Variants in TBC1D22B observed in about 807,000 individuals in gnomAD.
TBC1D22B encodes the protein chromosome 6 open reading frame 197.
In TBC1D22B, 32 loss-of-function variants were observed where a neutral mutation model predicts 69.1. The ratio of observed to expected loss-of-function variants is 0.46; its 90% confidence interval spans 0.35 to 0.62. TBC1D22B has a LOEUF of 0.62. Ranked by LOEUF, TBC1D22B falls within the 20% of genes least tolerant of loss-of-function variation. The probability of loss-of-function intolerance (pLI) is 0.00; values close to 1 mark genes in which losing one functional copy is unlikely to be tolerated. For synonymous variants in TBC1D22B, 206 were observed against 229.8 expected, an observed-to-expected ratio of 0.90 and a Z score of 0.94; for missense variants, 462 against 630.9, an observed-to-expected ratio of 0.73 and a Z score of 2.87.
At chr6:37,300,973 C>T (rs1037651294) in intron 8 of TBC1D22B, among the ~76,000 whole-genome samples, 10 of 151,876 alleles carry the variant, frequency 6.6e-5, no homozygotes, top group African/African-American at 2.4e-4. Context: ...CCTCTGTTTC[C>T]CCTTCCCCCT....
chr6:37,266,355 G>GT (rs1175191884), intron 1 of TBC1D22B, among the ~76,000 whole-genome samples: 2 of 151,972 alleles, frequency 1.3e-5, no homozygotes, highest in African/African-American at 4.8e-5. Flanking sequence ...TAAAATGCAT[G>GT]TATCTATTTT....
intron 12 of TBC1D22B, among the ~76,000 whole-genome samples, chr6:37,330,379 C>T (rs376889741): frequency 6.6e-6 from 1 of 151,908 alleles, no homozygotes; most frequent in African/African-American, 2.4e-5. Context: ...GCTGTGACTA[C>T]AGGCGTGTGC....
intron 6 of TBC1D22B, among the ~76,000 whole-genome samples, chr6:37,285,315 CTTTTTTTTTTTTTTTT>C (rs756459599): frequency 1.4e-5 from 1 of 73,552 alleles, no homozygotes; most frequent in Non-Finnish European, 2.3e-5. Context: ...TCCTTCCCCA[CTTTTTTTTTTTTTTTT>C]TTTTTTTTTT....
chr6:37,293,029 A>G (rs965204006), intron 8 of TBC1D22B, among the ~76,000 whole-genome samples: 2 of 152,058 alleles, frequency 1.3e-5, no homozygotes, highest in East Asian at 3.9e-4. Context: ...TCTGTGTCAC[A>G]TTCTGATAAT....
chr6:37,301,333 C>T (rs1335218998), intron 8 of TBC1D22B, among the ~76,000 whole-genome samples: 1 of 152,148 alleles, frequency 6.6e-6, no homozygotes, highest in Non-Finnish European at 1.5e-5. Flanking sequence ...TATGTCACCA[C>T]AATCAATTTT....
At chr6:37,258,700 C>A (rs915058655) in intron 1 of TBC1D22B, among the ~76,000 whole-genome samples, 2 of 152,152 alleles carry the variant, frequency 1.3e-5, no homozygotes, top group Admixed American at 6.6e-5. Context: ...AAGACTACCC[C>A]CACCCTCTTT....
intron 12 of TBC1D22B, among the ~76,000 whole-genome samples, chr6:37,319,668 ATCTT>A (rs1300079960): frequency 6.6e-6 from 1 of 152,242 alleles, no homozygotes; most frequent in Non-Finnish European, 1.5e-5. Flanking sequence ...AGAGTCTCAC[ATCTT>A]TCTTTTAGAC....
At chr6:37,309,160 A>T (rs1386814538) in intron 8 of TBC1D22B, among the ~76,000 whole-genome samples, 1 of 152,226 alleles carries the variant, frequency 6.6e-6, no homozygotes, top group Non-Finnish European at 1.5e-5. Context: ...ACAGATGAGG[A>T]ATTGAGACAC....
intron 7 of TBC1D22B, among the ~76,000 whole-genome samples, chr6:37,287,444 A>G (rs1227033069): frequency 6.6e-6 from 1 of 152,226 alleles, no homozygotes; most frequent in African/African-American, 2.4e-5. Flanking sequence ...TGTACAGTTC[A>G]GTGGCATTAA....
chr6:37,328,054 C>T (rs530632755), intron 12 of TBC1D22B, among the ~76,000 whole-genome samples: 9 of 152,100 alleles, frequency 5.9e-5, no homozygotes, highest in African/African-American at 1.9e-4. Flanking sequence ...TAGCTCATGC[C>T]TGTAATCCCA....
At chr6:37,324,451 G>A in intron 12 of TBC1D22B, 1 of 439,878 alleles carries the variant, frequency 2.3e-6, no homozygotes, top group Non-Finnish European at 4.6e-6. Flanking sequence ...ACTTTATAAG[G>A]ACTGTGGCCT....
intron 11 of TBC1D22B, 128 bp from the exon 12 acceptor site, chr6:37,316,983 T>TC: frequency 6.8e-7 from 1 of 1,477,348 alleles, no homozygotes; most frequent in Non-Finnish European, 9.2e-7. Context: ...CTTTGCTAAG[T>TC]CTCTTCAGAA....
At chr6:37,306,575 A>C (rs1039331516) in intron 8 of TBC1D22B, among the ~76,000 whole-genome samples, 2 of 152,154 alleles carry the variant, frequency 1.3e-5, no homozygotes, top group African/African-American at 4.8e-5. Flanking sequence ...ATAATCTGGG[A>C]TCCTATAGCC....
intron 12 of TBC1D22B, among the ~76,000 whole-genome samples, chr6:37,325,069 T>C (rs1283110977): frequency 1.3e-5 from 2 of 152,242 alleles, no homozygotes; most frequent in Non-Finnish European, 2.9e-5. Flanking sequence ...CCCACCTTTA[T>C]TGGACAGTCT....
intron 12 of TBC1D22B, among the ~76,000 whole-genome samples, chr6:37,318,040 C>CT (rs1270105496): frequency 1.3e-5 from 2 of 152,164 alleles, no homozygotes; most frequent in African/African-American, 4.8e-5. Flanking sequence ...AAGAGGAACT[C>CT]TAAGAGCCAT....
intron 8 of TBC1D22B, among the ~76,000 whole-genome samples, chr6:37,297,621 A>G (rs1028465302): frequency 1.2e-4 from 18 of 152,286 alleles, no homozygotes; most frequent in South Asian, 6.2e-4. Flanking sequence ...GGCTTCACCT[A>G]TTATATTTAA....
Position 37,276,805 on chromosome 6 carries a change from C to T in TBC1D22B, c.114-2499C>T, listed in dbSNP as rs182379228. ...ACTCAGGAGGCTGAGGCAAGAGAAT[C>T]GCCTGAACCGAGGAGGTGGAGGTTG... On this transcript the variant is annotated intron_variant, in intron 2 of 12. Coordinates refer to ENST00000373491, the MANE Select transcript of TBC1D22B (RefSeq NM_017772.4). Among the ~76,000 whole-genome samples, 813 of 152,144 alleles carry T rather than the reference C, an allele frequency of 5.3e-3. 7 individuals are homozygous for T. The highest frequency in any genetic ancestry group is 0.018 in the African/African-American group (750 of 41,488).
At position 37,257,787 on chromosome 6, in the gene TBC1D22B, T is replaced by G. The variant is rs961868770; in HGVS notation, c.-131T>G. ...AGGGGTGCCCACATCCAAGATGGCG[T>G]CCCCAGGAGCTGGGAGCGGGTGACC... On this transcript the variant is annotated 5_prime_UTR_variant, in exon 1 of 13. Transcript: ENST00000373491. 2.1e-6 allele frequency: 2 copies of G among 973,560 alleles called. No homozygotes were observed. Among genetic ancestry groups the G allele is most frequent in the African/African-American group, 3.3e-5 (2 of 61,152 alleles). 60.3% of individuals were successfully genotyped at this position (973,560 alleles called of 1,614,324 possible).
chr6:37,292,971 G>A (rs1767233691), intron 8 of TBC1D22B, among the ~76,000 whole-genome samples: 1 of 151,970 alleles, frequency 6.6e-6, no homozygotes, highest in Non-Finnish European at 1.5e-5. Flanking sequence ...CCTGTGTTGA[G>A]CAAGTCTATC....
Sources: gnomAD v4.1 joint callset for allele counts (sites outside exome capture counted in the v4.1 genomes callset) on GRCh38, gnomAD v4.1.1 for gene constraint, MANE v1.5 for transcripts, NCBI Gene and HGNC (gene_info 2026-07-23, HGNC 2026-07-21) for gene names.